The following RGS4 variants were observed in gnomAD, a reference collection of about 807,000 sequenced individuals.
The protein encoded by RGS4 is regulator of G protein signaling 4, also known as schizophrenia disorder 9.
In RGS4, 15 loss-of-function variants were observed where a neutral mutation model predicts 21.6. The ratio of observed to expected loss-of-function variants is 0.69; its 90% CI spans 0.46 to 1.07. The LOEUF is 1.07. Ranked by LOEUF, RGS4 falls within the 50% of genes least tolerant of loss-of-function variation. The pLI, the probability that RGS4 is intolerant of heterozygous loss-of-function variation, is 0.00. For missense variants in RGS4, 237 were observed against 239.0 expected (o/e 0.99, Z 0.06); for synonymous variants, 94 against 85.5 (o/e 1.10, Z -0.55).
rs947992288 is a variant in RGS4, at chr1:163,075,562, G to A, written c.*1002G>A. Reference sequence around the variant, plus strand: ...AACTTAATGAAGAAATACAGCTAAGGCCTTGCCAGCAACACCTGCCGTAAG... The same window carrying A: ...AACTTAATGAAGAAATACAGCTAAGACCTTGCCAGCAACACCTGCCGTAAG... On this transcript the variant is annotated 3_prime_UTR_variant, in exon 5 of 5. Transcript: ENST00000367909. 38 of 152,230 alleles carry A rather than the reference G, an allele frequency of 2.5e-4. No homozygotes were observed. Among genetic ancestry groups the A allele is most frequent in the African/African-American group, 8.7e-4 (36 of 41,540 alleles). The allele number at this position is 152,230 out of a possible 1,614,324, so 9.4% of individuals were successfully genotyped here. A position where few individuals can be genotyped will look rare whatever the true frequency, so the allele number is the denominator to read the frequency against.
chr1:163,073,977 A>C, intron 4 of RGS4: 1 of 376,566 alleles, frequency 2.7e-6, no homozygotes, highest in East Asian at 4.9e-5. Flanking sequence ...AGAATAGTGG[A>C]GCTGACTATC....
At chr1:163,072,167 A>G (rs1233201803) in intron 1 of RGS4, 1 of 1,107,238 alleles carries the variant, frequency 9.0e-7, no homozygotes. Context: ...TCAGAATTCC[A>G]GTTGTGGATG....
chr1:163,073,723 T>A, intron 4 of RGS4, 101 bp downstream of exon 4: 1 of 709,514 alleles, frequency 1.4e-6, no homozygotes, highest in Non-Finnish European at 2.3e-6. Context: ...TCAGGGCAAT[T>A]GCTATATACA....
intron 3 of RGS4, among the ~76,000 whole-genome samples, chr1:163,073,169 C>T (rs936389998): frequency 2.0e-5 from 3 of 152,092 alleles, no homozygotes; most frequent in African/African-American, 7.2e-5. Flanking sequence ...TTTCTCTTTC[C>T]CAAATTGACC....
At position 163,075,608 on chromosome 1, in the gene RGS4, T is replaced by C. The variant is rs1421156601; in HGVS notation, c.*1048T>C. 6.6e-6 allele frequency: 1 copy of C among 152,184 alleles called. No individual in the cohort carries two copies. The highest frequency in any genetic ancestry group is 1.5e-5 in the Non-Finnish European group (1 of 68,046). 9.4% of individuals were successfully genotyped at this position (152,184 alleles called of 1,614,324 possible). A position where few individuals can be genotyped will look rare whatever the true frequency, so the allele number is the denominator to read the frequency against. Reference sequence around the variant, plus strand: ...GTAAGTTACTGGCTGAGTGAGGGCATAGAAGTTAAAGGTTACTGTTTTTAT... The same window carrying C: ...GTAAGTTACTGGCTGAGTGAGGGCACAGAAGTTAAAGGTTACTGTTTTTAT... On this transcript the variant is annotated 3_prime_UTR_variant, in exon 5 of 5. Coordinates refer to ENST00000367909, the MANE Select transcript of RGS4 (RefSeq NM_005613.6).
intron 1 of RGS4, 93 bp from the exon 2 acceptor site, chr1:163,072,302 A>T (rs1317910997): frequency 1.3e-5 from 13 of 1,007,776 alleles, no homozygotes; most frequent in Non-Finnish European, 1.8e-5. Context: ...TCTGAGCCAT[A>T]GACTAGTAAT....
intron 1 of RGS4, 173 bp from the exon 2 acceptor site, chr1:163,072,222 T>TA: frequency 1.2e-6 from 1 of 806,336 alleles, no homozygotes; most frequent in Admixed American, 6.8e-5. Context: ...TAGCAAGTCA[T>TA]AGGGAACCAA....
upstream of RGS4, chr1:163,069,250 A>G (rs1655220411): frequency 6.5e-7 from 1 of 1,547,006 alleles, no homozygotes; most frequent in East Asian, 2.4e-5. Flanking sequence ...CATCTCTTTC[A>G]GGGGCTGGAG....
At position 163,071,877 on chromosome 1, in the gene RGS4, A is replaced by G. The variant is rs1443583479; in HGVS notation, c.45-518A>G. ...CTTGCCCCCCCCCCCCCCCCCCAAC[A>G]TACATGGCTGGAACTGAATAGACTT... On this transcript the variant is annotated intron_variant, in intron 1 of 4. Transcript: ENST00000367909. The G allele has an allele frequency of 9.4e-4, 13 of 13,862 alleles. No homozygotes were observed. The African/African-American group carries it at 0.011, about 12-fold the overall frequency. The allele number at this position is 13,862 out of a possible 1,614,324, so 0.9% of individuals were successfully genotyped here.
Position 163,072,456 on chromosome 1 carries a change from A to C in RGS4, c.106A>C (p.Asn36His). The C allele has an allele frequency of 1.2e-6, 2 of 1,613,296 alleles. No homozygotes were observed. The highest frequency in any genetic ancestry group is 1.7e-6 in the Non-Finnish European group (2 of 1,179,524). ...GCAAAAATCTGATTCCTGTGAACAC[A>C]ATTCTTCCCACAACAAGAAGGACAA... ...LLQKSDSCEHNSSHNKKDKVV... is the reference protein window; with the variant it reads ...LLQKSDSCEHHSSHNKKDKVV... Residue 36 changes from asparagine to histidine, a missense_variant, in exon 2 of 5, where the codon AAT (asparagine) becomes CAT (histidine). Asn to His is a moderately conservative substitution (Grantham distance 68). Transcript: ENST00000367909.
intron 4 of RGS4, 37 bp from the exon 5 acceptor site, chr1:163,074,284 A>T (rs1655423140): frequency 6.2e-7 from 1 of 1,612,100 alleles, no homozygotes; most frequent in African/African-American, 1.3e-5. Flanking sequence ...CTCAACAGGG[A>T]TATAGGTCTA....
In RGS4 at chr1:163,076,242, G is replaced by A. The variant is rs1336718093; in HGVS notation, c.*1682G>A. The stretch of plus-strand genomic sequence containing the variant: ...TTCGTTGCTCCAGTATAAATTACAT[G>A]CATGAGCACCTTTCTGGCTTTTAAG... On this transcript the variant is annotated 3_prime_UTR_variant, in exon 5 of 5. Coordinates refer to ENST00000367909, the MANE Select transcript of RGS4 (RefSeq NM_005613.6). 6.6e-6 allele frequency: 1 copy of A among 152,536 alleles called. No individual in the cohort carries two copies. Among genetic ancestry groups the A allele is most frequent in the African/African-American group, 2.4e-5 (1 of 41,422 alleles). The allele number at this position is 152,536 out of a possible 1,614,324, so 9.4% of individuals were successfully genotyped here. A position where few individuals can be genotyped will look rare whatever the true frequency, so the allele number is the denominator to read the frequency against.
intron 1 of RGS4, 29 bp downstream of exon 1, chr1:163,069,557 T>C: frequency 1.9e-6 from 3 of 1,587,040 alleles, no homozygotes; most frequent in Non-Finnish European, 2.6e-6. Context: ...ATTAACCATA[T>C]TAAACTTTTG....
At chr1:163,072,046 ATCAC>A (rs1655334451) in intron 1 of RGS4, 12 of 1,003,380 alleles carry the variant, frequency 1.2e-5, no homozygotes, top group Non-Finnish European at 1.4e-5. Flanking sequence ...TTACTCAGAG[ATCAC>A]TCATGTGTTC....
intron 1 of RGS4, among the ~76,000 whole-genome samples, chr1:163,071,332 G>C (rs749606419): frequency 2.0e-5 from 3 of 152,046 alleles, no homozygotes; most frequent in African/African-American, 4.8e-5. Context: ...ATACATAAAT[G>C]TATTAGTGGC....
rs973393232 is a variant in RGS4, at chr1:163,074,745, A to T, written c.*185A>T. 7 of 881,456 alleles carry T rather than the reference A, an allele frequency of 7.9e-6. No homozygotes were observed. The African/African-American group carries it at 8.2e-5, about 10-fold the overall frequency. 54.6% of individuals were successfully genotyped at this position (881,456 alleles called of 1,614,324 possible). On this transcript the variant is annotated 3_prime_UTR_variant, in exon 5 of 5. Transcript: ENST00000367909. The stretch of plus-strand genomic sequence containing the variant: ...TATAGCTTTTGGTGTTTGAGTGTTC[A>T]TCAGGGTGGGACCCCATTCCAGTCC...
chr1:163,073,419 T>C, intron 3 of RGS4, 37 bp from the exon 4 acceptor site: 1 of 1,503,226 alleles, frequency 6.7e-7, no homozygotes, highest in East Asian at 2.3e-5. Context: ...GGCCAACCAG[T>C]GTGATGACAA....
Position 163,073,499 on chromosome 1 carries a change from T to C in RGS4, c.255T>C (p.Ser85=), listed in dbSNP as rs1655391704. The C allele has an allele frequency of 6.2e-7, 1 of 1,604,072 alleles. No homozygotes were observed. The highest frequency in any genetic ancestry group is 1.1e-5 in the South Asian group (1 of 88,756). ...AFKAFLKSEY[S]EENIDFWISC... ...AAGCTTTCTTGAAGTCTGAATATAG[T>C]GAGGAGAATATTGACTTCTGGATCA... The change falls in exon 4 of 5, where the codon AGT becomes AGC. Residue 85 remains serine (S), a synonymous_variant. Coordinates refer to ENST00000367909, the MANE Select transcript of RGS4 (RefSeq NM_005613.6).
chr1:163,069,890 T>C (rs998208863), intron 1 of RGS4, among the ~76,000 whole-genome samples: 3 of 152,164 alleles, frequency 2.0e-5, no homozygotes, highest in Admixed American at 6.5e-5. Context: ...CTGGAGTACA[T>C]AGAAGCCTGG....
Sources: gnomAD v4.1 joint callset for allele counts (sites outside exome capture counted in the v4.1 genomes callset) on GRCh38, gnomAD v4.1.1 for gene constraint, MANE v1.5 for transcripts, NCBI Gene and HGNC (gene_info 2026-07-23, HGNC 2026-07-21) for gene names.